MCC: variants seen among roughly 807,000 people sequenced by gnomAD.
MCC encodes colorectal mutant cancer protein.
In MCC, 90 loss-of-function variants were observed where a neutral mutation model predicts 116.2. The ratio of observed to expected loss-of-function variants is 0.77; its 90% CI spans 0.65 to 0.92. The LOEUF is 0.92. Ranked by LOEUF, MCC falls within the 40% of genes least tolerant of loss-of-function variation. The probability of loss-of-function intolerance (pLI) is 0.00; values close to 1 mark genes in which losing one functional copy is unlikely to be tolerated. For missense variants in MCC, 1,516 were observed against 1,312.2 expected, an observed-to-expected ratio of 1.16 and a Z score of -2.40; for synonymous variants, 578 against 510.5, an observed-to-expected ratio of 1.13 and a Z score of -1.78.
In MCC at chr5:113,305,777, A is replaced by G. The variant is rs1278074832; in HGVS notation, c.627+34742T>C. 1.3e-5 allele frequency among the ~76,000 whole-genome samples: 2 copies of G among 152,246 alleles called. 1 individual carries two copies. The highest frequency in any genetic ancestry group is 4.1e-4 in the South Asian group (2 of 4,826). Reference sequence around the variant, plus strand: ...TATGTTTTATTAATGGATAATTCACATATCATAAAATTTACCTTTTAACAT... The same window carrying G: ...TATGTTTTATTAATGGATAATTCACGTATCATAAAATTTACCTTTTAACAT... On this transcript the variant is annotated intron_variant, in intron 3 of 18. Transcript: ENST00000408903.
At chr5:113,061,200 G>A (rs776509350) in intron 14 of MCC, among the ~76,000 whole-genome samples, 4 of 152,166 alleles carry the variant, frequency 2.6e-5, no homozygotes, top group Non-Finnish European at 4.4e-5. Flanking sequence ...TCACGGCAAG[G>A]CTGCAACCAC....
At chr5:113,182,022 G>T (rs1761655600) in intron 3 of MCC, among the ~76,000 whole-genome samples, 1 of 152,182 alleles carries the variant, frequency 6.6e-6, no homozygotes, top group Non-Finnish European at 1.5e-5. Context: ...TGGAGGAGAG[G>T]TGTCATGCTC....
intron 1 of MCC, among the ~76,000 whole-genome samples, chr5:113,445,205 G>A (rs1771175079): frequency 6.6e-6 from 1 of 152,028 alleles, no homozygotes; most frequent in Admixed American, 6.6e-5. Context: ...GGATGTTTGG[G>A]AACATCATAT....
At chr5:113,085,465 T>A (rs1755148053) in intron 8 of MCC, among the ~76,000 whole-genome samples, 155 bp from the exon 9 acceptor site, 1 of 152,152 alleles carries the variant, frequency 6.6e-6, no homozygotes, top group Non-Finnish European at 1.5e-5. Flanking sequence ...ATTATATTCC[T>A]TTTTTCGGAC....
intron 1 of MCC, among the ~76,000 whole-genome samples, chr5:113,446,649 G>C (rs923380067): frequency 6.6e-6 from 1 of 152,052 alleles, no homozygotes; most frequent in African/African-American, 2.4e-5. Context: ...TGTTAGTTCA[G>C]TCACTGTGGA....
intron 17 of MCC, among the ~76,000 whole-genome samples, chr5:113,035,330 C>T (rs1400829976): frequency 1.3e-5 from 2 of 152,178 alleles, no homozygotes; most frequent in Non-Finnish European, 2.9e-5. Context: ...GTCACCACAC[C>T]CAGGTCCAAG....
chr5:113,101,928 C>G lies in MCC; in HGVS notation c.1209G>C (p.Glu403Asp). The G allele has an allele frequency of 6.2e-7, 1 of 1,613,962 alleles. No homozygotes were observed. Among genetic ancestry groups the G allele is most frequent in the East Asian group, 2.2e-5 (1 of 44,848 alleles). Residue 403 changes from glutamate (E) to aspartate (D), a missense_variant, in exon 8 of 19, where the codon GAG becomes GAC. Glu to Asp is a conservative substitution (Grantham distance 45, BLOSUM62 2). Transcript: ENST00000408903. ...GATACAGGTCCCGGCCAAGCACCCC[C>G]TCAATCTCCTCGACTGTCTGTAAAA... Reference protein sequence around the residue: ...DLAIKTVEEIEGVLGRDLYPN... With the variant: ...DLAIKTVEEIDGVLGRDLYPN...
At chr5:113,128,832 G>A (rs1758256465) in intron 5 of MCC, among the ~76,000 whole-genome samples, 1 of 152,274 alleles carries the variant, frequency 6.6e-6, no homozygotes, top group East Asian at 1.9e-4. Context: ...TGTTTTGCTG[G>A]CAGACAAGGA....
chr5:113,304,703 CA>C (rs1349475572), intron 3 of MCC, among the ~76,000 whole-genome samples: 1 of 151,610 alleles, frequency 6.6e-6, no homozygotes, highest in Middle Eastern at 3.2e-3. Context: ...TAAACTATAT[CA>C]CATTTTCTAT....
At chr5:113,399,286 C>A (rs1769614493) in intron 1 of MCC, among the ~76,000 whole-genome samples, 1 of 152,092 alleles carries the variant, frequency 6.6e-6, no homozygotes, top group African/African-American at 2.4e-5. Flanking sequence ...GAGATTGAGA[C>A]CATCCTGGCT....
Position 113,025,479 on chromosome 5 carries a change from T to C in MCC, c.*1823A>G, listed in dbSNP as rs1580861992. Reference sequence around the variant, plus strand: ...GTCTCTACTAAAAATACAAAAAAACTAGCTGGGTATGGTGGCGGGCACCTG... The same window carrying C: ...GTCTCTACTAAAAATACAAAAAAACCAGCTGGGTATGGTGGCGGGCACCTG... On this transcript the variant is annotated 3_prime_UTR_variant, in exon 19 of 19. Transcript: ENST00000408903. The C allele has an allele frequency of 6.6e-6, 1 of 150,780 alleles. No homozygotes were observed. The highest frequency in any genetic ancestry group is 2.4e-5 in the African/African-American group (1 of 40,850). The allele number at this position is 150,780 out of a possible 1,614,324, so 9.3% of individuals were successfully genotyped here.
chr5:113,386,626 C>A (rs1200849072), intron 1 of MCC, among the ~76,000 whole-genome samples: 1 of 152,064 alleles, frequency 6.6e-6, no homozygotes, highest in Non-Finnish European at 1.5e-5. Flanking sequence ...AGGCCTATGC[C>A]ACCAGCCTTT....
intron 1 of MCC, among the ~76,000 whole-genome samples, chr5:113,414,633 T>A (rs2150404329): frequency 6.6e-6 from 1 of 152,268 alleles, no homozygotes; most frequent in Non-Finnish European, 1.5e-5. Context: ...TCTTCCTCCA[T>A]CCCTTTATTT....
At chr5:113,165,273 T>G (rs1405009668) in intron 3 of MCC, among the ~76,000 whole-genome samples, 1 of 152,210 alleles carries the variant, frequency 6.6e-6, no homozygotes, top group African/African-American at 2.4e-5. Context: ...TCCTCCTACT[T>G]TGTCTCTAGA....
chr5:113,437,980 G>T (rs1004681599), intron 1 of MCC, among the ~76,000 whole-genome samples: 1 of 152,138 alleles, frequency 6.6e-6, no homozygotes, highest in Admixed American at 6.5e-5. Context: ...GGTTGGGAAG[G>T]CATCCTAAAA....
chr5:113,168,047 T>C (rs1169004680), intron 3 of MCC, among the ~76,000 whole-genome samples: 1 of 152,192 alleles, frequency 6.6e-6, no homozygotes, highest in East Asian at 1.9e-4. Flanking sequence ...AGGCAACAGT[T>C]GTATGTCCGT....
intron 3 of MCC, among the ~76,000 whole-genome samples, chr5:113,201,851 G>A (rs1762694564): frequency 6.6e-6 from 1 of 152,102 alleles, no homozygotes; most frequent in South Asian, 2.1e-4. Context: ...AGCTAATTGA[G>A]ACCAGGGGAG....
Position 113,064,027 on chromosome 5 carries a change from T to C in MCC, c.2170A>G (p.Ser724Gly), listed in dbSNP as rs747544086. Reference sequence around the variant, plus strand: ...GAAAGGCTCTCCCAGGGCTGCACGCTGCAGCCGGCCACGGCAAAGGCTCCC... The same window carrying C: ...GAAAGGCTCTCCCAGGGCTGCACGCCGCAGCCGGCCACGGCAAAGGCTCCC... ...CGGAFAVAGC[S>G]VQPWESLSSN... Residue 724 changes from serine to glycine, a missense_variant, in exon 14 of 19, where the codon AGC (serine) becomes GGC (glycine). Coordinates refer to ENST00000408903, the MANE Select transcript of MCC (RefSeq NM_001085377.2). The C allele has an allele frequency of 1.9e-6, 3 of 1,614,006 alleles. No individual in the cohort carries two copies. Among genetic ancestry groups the C allele is most frequent in the Non-Finnish European group, 1.7e-6 (2 of 1,180,008 alleles).
chr5:113,341,007 C>A (rs1039894021), intron 2 of MCC, among the ~76,000 whole-genome samples: 10 of 152,174 alleles, frequency 6.6e-5, no homozygotes, highest in African/African-American at 2.4e-4. Flanking sequence ...ACTGGAGAGC[C>A]AAGTAAAGGG....
Sources: gnomAD v4.1 joint callset for allele counts (sites outside exome capture counted in the v4.1 genomes callset) on GRCh38, gnomAD v4.1.1 for gene constraint, MANE v1.5 for transcripts, NCBI Gene and HGNC (gene_info 2026-07-23, HGNC 2026-07-21) for gene names.